TMEM50B: variants seen among roughly 807,000 people sequenced by gnomAD.
TMEM50B encodes the protein HCV p7-trans-regulated protein 3.
TMEM50B carries 14 observed loss-of-function variants against 23.4 expected under a neutral mutation model. That is an observed-to-expected ratio of 0.60 (90% confidence interval 0.39 to 0.93). The LOEUF is 0.93. Among genes scored for constraint, TMEM50B ranks in the 40% least tolerant of loss-of-function variants. The pLI, the probability that TMEM50B is intolerant of heterozygous loss-of-function variation, is 0.00. For synonymous variants in TMEM50B, 64 were observed against 62.3 expected (o/e 1.03, Z -0.13); for missense variants, 159 against 193.0 (o/e 0.82, Z 1.04).
In TMEM50B at chr21:33,450,782, A is replaced by T. The variant is rs1191326550; in HGVS notation, c.*36T>A. The T allele has an allele frequency of 6.3e-7, 1 of 1,590,584 alleles. No individual in the cohort carries two copies. The highest frequency in any genetic ancestry group is 2.2e-5 in the East Asian group (1 of 44,706). Reference sequence around the variant, plus strand: ...GATAAAAAACCTATCTACAAACAGAATATAACAAAAGGAAAATGTGACTTA... The same window carrying T: ...GATAAAAAACCTATCTACAAACAGATTATAACAAAAGGAAAATGTGACTTA... On this transcript the variant is annotated 3_prime_UTR_variant, in exon 7 of 7. Transcript: ENST00000542230.
At chr21:33,479,488 GAGA>G (rs1350704662) in intron 1 of TMEM50B, 2 of 152,246 alleles carry the variant, frequency 1.3e-5, no homozygotes, top group Non-Finnish European at 2.9e-5. Flanking sequence ...CCCGCCGCGC[GAGA>G]AGGTGAAAGG....
chr21:33,440,474 G>C (rs2083998460), intron 7 of TMEM50B, among the ~76,000 whole-genome samples: 1 of 151,826 alleles, frequency 6.6e-6, no homozygotes, highest in Non-Finnish European at 1.5e-5. Flanking sequence ...TGTAATCCCA[G>C]CTACTCAGGA....
rs2083962353 is a variant in TMEM50B at position 33,437,036 on chromosome 21, A to G, written c.*2120+2178T>C. 1.3e-6 allele frequency: 2 copies of G among 1,525,664 alleles called. 1 individual carries two copies. The highest frequency in any genetic ancestry group is 3.4e-5 in the Admixed American group (2 of 59,358). The allele number at this position is 1,525,664 out of a possible 1,614,324, so 94.5% of individuals were successfully genotyped here. The stretch of plus-strand genomic sequence containing the variant: ...TCGGAGCTGCTAGAGTTCTGTCTGG[A>G]CTTTCCAGAGACCAGTATTCCCTTT... On this transcript the variant is annotated intron_variant and NMD_transcript_variant, in intron 8 of 8. Coordinates refer to the TMEM50B transcript ENST00000420455.
chr21:33,447,210 T>C (rs1032800608), downstream of TMEM50B: 1 of 142,776 alleles, frequency 7.0e-6, no homozygotes, highest in Non-Finnish European at 1.6e-5. Context: ...CAGCCCAGGG[T>C]TTCCCAAGCT....
chr21:33,437,010 A>G (rs757290352), intron 8 of TMEM50B: 7 of 1,606,248 alleles, frequency 4.4e-6, no homozygotes, highest in Middle Eastern at 1.7e-4. Flanking sequence ...AGATCAAGCC[A>G]TCGGAGCTGC....
intron 4 of TMEM50B, among the ~76,000 whole-genome samples, chr21:33,463,743 C>A (rs1234514059): frequency 6.6e-6 from 1 of 152,062 alleles, no homozygotes; most frequent in African/African-American, 2.4e-5. Flanking sequence ...CGTGGTAAAA[C>A]CCTGTCTCTA....
intron 6 of TMEM50B, among the ~76,000 whole-genome samples, chr21:33,452,593 G>A (rs979065490): frequency 6.6e-6 from 1 of 152,090 alleles, no homozygotes; most frequent in Non-Finnish European, 1.5e-5. Context: ...CTTAGTAGGG[G>A]GACAAATCAG....
At chr21:33,434,730 A>AGGTACACAGGCAGTATACAGATTC (rs1261208564) in intron 8 of TMEM50B, among the ~76,000 whole-genome samples, 4 of 152,180 alleles carry the variant, frequency 2.6e-5, no homozygotes, top group Admixed American at 2.6e-4. Context: ...GATGTATTGT[A>AGGTACACAGGCAGTATACAGATTC]GGTACACAGG....
chr21:33,432,878 G>A, intron 8 of TMEM50B: 1 of 1,605,782 alleles, frequency 6.2e-7, no homozygotes, highest in Non-Finnish European at 8.5e-7. Context: ...AGAGGTACGT[G>A]TGCACACATC....
downstream of TMEM50B, among the ~76,000 whole-genome samples, chr21:33,446,839 C>T (rs1367012472): frequency 6.9e-6 from 1 of 144,436 alleles, no homozygotes; most frequent in Non-Finnish European, 1.5e-5. Context: ...CAAGACCCCT[C>T]TCTAAAAAAG....
At chr21:33,439,851 G>A (rs2083993057) in intron 7 of TMEM50B, among the ~76,000 whole-genome samples, 1 of 151,690 alleles carries the variant, frequency 6.6e-6, no homozygotes, top group African/African-American at 2.4e-5. Flanking sequence ...TTTGAGACAA[G>A]CCTGGTCAAC....
At chr21:33,457,438 T>A (rs928810755) in intron 5 of TMEM50B, among the ~76,000 whole-genome samples, 4 of 151,824 alleles carry the variant, frequency 2.6e-5, no homozygotes, top group African/African-American at 9.7e-5. Context: ...TCGTCTGAGA[T>A]CAGGACTTCA....
intron 4 of TMEM50B, among the ~76,000 whole-genome samples, chr21:33,461,258 A>G (rs1307695301): frequency 1.3e-5 from 2 of 152,238 alleles, no homozygotes; most frequent in Admixed American, 1.3e-4. Flanking sequence ...AATTTGCCTC[A>G]GTTGCAAATA....
Position 33,465,373 on chromosome 21 carries a change from A to G in TMEM50B, c.249T>C (p.Asp83=). 6 of 1,613,302 alleles carry G rather than the reference A, an allele frequency of 3.7e-6. No individual in the cohort carries two copies. The highest frequency in any genetic ancestry group is 5.1e-6 in the Non-Finnish European group (6 of 1,179,816). Residue 83 remains aspartate (D), a synonymous_variant, in exon 4 of 7, where the codon GAT becomes GAC. Transcript: ENST00000542230. ...TTCCTAAACAGCCGCTTTCATAGCT[A>G]TCACCTCTCACCTGAGCATTGGATA... The part of the protein sequence containing the change: ...NAVSNAQVRG[D]SYESGCLGRT...
At chr21:33,452,270 G>A (rs545226958) in intron 6 of TMEM50B, among the ~76,000 whole-genome samples, 4 of 152,232 alleles carry the variant, frequency 2.6e-5, no homozygotes. Flanking sequence ...GCCACAAGGC[G>A]AAATCCAGGT....
chr21:33,455,064 C>T (rs1007235897), intron 6 of TMEM50B, among the ~76,000 whole-genome samples: 4 of 151,748 alleles, frequency 2.6e-5, no homozygotes, highest in East Asian at 1.9e-4. Flanking sequence ...TGCAGTGAGC[C>T]GAGATTGTTC....
chr21:33,467,208 C>T (rs1292351902), intron 2 of TMEM50B, 86 bp from the exon 3 acceptor site: 1 of 1,220,504 alleles, frequency 8.2e-7, no homozygotes, highest in East Asian at 2.4e-5. Flanking sequence ...TCCTACAGAT[C>T]ATATAAATGG....
chr21:33,458,869 A>G (rs1220885781), intron 5 of TMEM50B, among the ~76,000 whole-genome samples: 1 of 152,202 alleles, frequency 6.6e-6, no homozygotes, highest in Non-Finnish European at 1.5e-5. Flanking sequence ...TTGGTGACCA[A>G]TGTTATTTAA....
intron 6 of TMEM50B, among the ~76,000 whole-genome samples, chr21:33,452,036 GTCAAC>G (rs1410374071): frequency 1.7e-4 from 26 of 152,328 alleles, no homozygotes; most frequent in Non-Finnish European, 1.2e-4. Context: ...TGACACAGCT[GTCAAC>G]TATGTCCACC....
Sources: allele counts gnomAD v4.1 joint callset (sites outside exome capture counted in the v4.1 genomes callset), GRCh38; gene constraint gnomAD v4.1.1; transcripts MANE v1.5; gene names NCBI Gene and HGNC (gene_info 2026-07-23, HGNC 2026-07-21).